The following HELZ2 variants were observed in gnomAD, a reference collection of about 807,000 sequenced individuals.
HELZ2 encodes the protein helicase with zinc finger 2.
In HELZ2, 143 loss-of-function variants were observed where a neutral mutation model predicts 208.8. The ratio of observed to expected loss-of-function variants is 0.68; its 90% CI spans 0.60 to 0.79. HELZ2 has a LOEUF of 0.79. Among genes scored for constraint, HELZ2 ranks in the 30% least tolerant of loss-of-function variants. The pLI is 0.00. For synonymous variants in HELZ2, 1,705 were observed against 1,693.7 expected, an observed-to-expected ratio of 1.01 and a Z score of -0.16; for missense variants, 3,690 against 3,794.5, an observed-to-expected ratio of 0.97 and a Z score of 0.72.
chr20:63,568,514 A>C (rs1263726757), exon 5 of HELZ2: 2 of 1,583,720 alleles, frequency 1.3e-6, no homozygotes, highest in African/African-American at 2.7e-5. Flanking sequence ...GCCCGCGATG[A>C]GCGCCACGGC....
At chr20:63,563,240 T>A in exon 8 of HELZ2, 1 of 1,559,382 alleles carries the variant, frequency 6.4e-7, no homozygotes, top group Non-Finnish European at 8.6e-7. Context: ...CCGCTGCACC[T>A]GCACCAGCTC....
exon 8 of HELZ2, chr20:63,562,539 G>A (rs767837261): frequency 8.2e-6 from 13 of 1,588,528 alleles, no homozygotes; most frequent in Non-Finnish European, 1.1e-5. Flanking sequence ...AGCTGCTTGG[G>A]CAGCAGCTCA....
chr20:63,569,261 C>A, exon 4 of HELZ2: 1 of 1,572,470 alleles, frequency 6.4e-7, no homozygotes, highest in Non-Finnish European at 8.6e-7. Context: ...GGTTGAACTC[C>A]AGGGCCAGGG....
chr20:63,572,120 T>A, exon 1 of HELZ2: 1 of 1,609,788 alleles, frequency 6.2e-7, no homozygotes, highest in South Asian at 1.1e-5. Flanking sequence ...TGGGCAGAGC[T>A]CGAACTTGGA....
chr20:63,569,809 T>C, intron 3 of HELZ2, 144 bp from the exon 5 acceptor site: 1 of 947,356 alleles, frequency 1.1e-6, no homozygotes, highest in Admixed American at 3.0e-5. Flanking sequence ...CCACCCGGCC[T>C]CTGCCATCCT....
intron 3 of HELZ2, 112 bp downstream of exon 4, chr20:63,570,392 G>A (rs1478901138): frequency 2.4e-6 from 2 of 845,214 alleles, no homozygotes; most frequent in Non-Finnish European, 4.0e-6. Context: ...CAGGTGCTGA[G>A]CGGCAGTGCC....
In HELZ2 at chr20:63,559,895, T is replaced by C. The variant is rs942222561; in HGVS notation, c.7825+33A>G. ...AGCCCAGCCCTGGCCTCACCTGTGTTCCCACCCTGGAAGAGCCCAGCCCCG... is the reference window on the plus strand; with the variant it reads ...AGCCCAGCCCTGGCCTCACCTGTGTCCCCACCCTGGAAGAGCCCAGCCCCG... On this transcript the variant is annotated intron_variant, in intron 18 of 18. Transcript: ENST00000467148. 13 of 1,600,862 alleles carry C rather than the reference T, an allele frequency of 8.1e-6. No individual in the cohort carries two copies. In the Admixed American group the frequency reaches 1.8e-4, roughly 23 times the overall value.
intron 3 of HELZ2, 107 bp from the exon 5 acceptor site, chr20:63,569,772 C>T: frequency 1.6e-6 from 2 of 1,224,198 alleles, no homozygotes; most frequent in Non-Finnish European, 2.2e-6. Flanking sequence ...CCTGGCCCTG[C>T]CACTTCCTGG....
At chr20:63,559,170 G>A (rs969191926), downstream of HELZ2, 193 of 1,419,194 alleles carry the variant, frequency 1.4e-4, no homozygotes, top group East Asian at 1.6e-4. Flanking sequence ...GGCTGATGGC[G>A]GAGGGTGGTG....
At position 63,568,670 on chromosome 20, in the gene HELZ2, A is replaced by G. The variant is rs2082988557; in HGVS notation, c.1418T>C (p.Ile473Thr). ...CCAGAGGCGGAAGGTCATCGGGTCA[A>G]TCTGGAACTGCACCTCCAGGACCAG... The change falls in exon 5 of 19, where the codon ATT becomes ACT. Residue 473 changes from isoleucine (I) to threonine (T), a missense_variant. Physicochemically the swap from Ile to Thr is moderately conservative, Grantham distance 89. Coordinates refer to ENST00000467148, the Ensembl canonical transcript of HELZ2. 6.2e-7 allele frequency: 1 copy of G among 1,605,860 alleles called. No homozygotes were observed. Among genetic ancestry groups the G allele is most frequent in the South Asian group, 1.1e-5 (1 of 90,818 alleles).
Position 63,561,810 on chromosome 20 carries a change from G to C in HELZ2, c.6691+13C>G. ...CAGCTCCCCAAAGGCCCCCACCGCC[G>C]ACCCCGGCGCACCTGCCAGGACATC... On this transcript the variant is annotated intron_variant, in intron 11 of 18. Coordinates refer to ENST00000467148, the Ensembl canonical transcript of HELZ2. The C allele has an allele frequency of 6.4e-7, 1 of 1,553,874 alleles. No individual in the cohort carries two copies. The highest frequency in any genetic ancestry group is 2.3e-5 in the East Asian group (1 of 42,782).
In HELZ2 at chr20:63,570,708, G is replaced by T. The variant is rs757788400; in HGVS notation, c.439C>A (p.Arg147Ser). 2.5e-6 allele frequency: 4 copies of T among 1,589,730 alleles called. No homozygotes were observed. In the African/African-American group the frequency reaches 5.5e-5, roughly 22 times the overall value. ...ACCACAAGGACCTCACTGCTGCTGC[G>T]CTGGTACTCGGCCAGCAGCCGCTCC... The change falls in exon 2 of 19, where the codon CGC becomes AGC. Residue 147 changes from arginine to serine, a missense_variant. By Grantham distance (110) the Arg-to-Ser change is moderately radical. Transcript: ENST00000467148.
chr20:63,571,160 G>C (rs73622825), intron 1 of HELZ2: 4 of 310,062 alleles, frequency 1.3e-5, no homozygotes, highest in Non-Finnish European at 2.3e-5. Context: ...CTCCTGCCCC[G>C]CTCCAAGCTC....
exon 8 of HELZ2, chr20:63,564,177 C>T (rs1233074331): frequency 1.9e-6 from 3 of 1,611,652 alleles, no homozygotes; most frequent in South Asian, 2.2e-5. Context: ...AGAGGCGTGA[C>T]CGTCCGCGTG....
At chr20:63,566,489 C>G (rs749209911) in intron 6 of HELZ2, 36 bp from the exon 8 acceptor site, 1 of 1,528,234 alleles carries the variant, frequency 6.5e-7, no homozygotes, top group African/African-American at 1.4e-5. Flanking sequence ...GAGTGCTGGA[C>G]GCAGTGAGGA....
At chr20:63,570,571 T>C in exon 3 of HELZ2, 2 of 1,613,210 alleles carry the variant, frequency 1.2e-6, no homozygotes, top group Non-Finnish European at 1.7e-6. Context: ...CATCAGGGGC[T>C]GGTTGCAGGT....
exon 4 of HELZ2, chr20:63,569,395 T>C (rs759340627): frequency 3.1e-6 from 5 of 1,609,508 alleles, no homozygotes; most frequent in Non-Finnish European, 4.2e-6. Context: ...GCCAGATTCC[T>C]GCAGGGTCCT....
exon 8 of HELZ2, chr20:63,565,545 C>T (rs1398790404): frequency 1.9e-6 from 3 of 1,606,590 alleles, no homozygotes; most frequent in Non-Finnish European, 2.5e-6. Flanking sequence ...TCCAGCAGCC[C>T]GTCCTCCCCG....
exon 5 of HELZ2, chr20:63,568,888 G>T (rs149335222): frequency 6.2e-7 from 1 of 1,611,776 alleles, no homozygotes; most frequent in Non-Finnish European, 8.5e-7. Context: ...CTGGCATCAG[G>T]GAGGAGGGGA....
Sources: allele counts gnomAD v4.1 joint callset, GRCh38; gene constraint gnomAD v4.1.1; transcripts MANE v1.5; gene names NCBI Gene and HGNC (gene_info 2026-07-23, HGNC 2026-07-21).